Variants in SHISA9 observed in about 807,000 individuals in gnomAD.
SHISA9 encodes protein shisa-9.
In SHISA9, 13 loss-of-function variants were observed where a neutral mutation model predicts 38.0. The ratio of observed to expected loss-of-function variants is 0.34; its 90% CI spans 0.22 to 0.54. The LOEUF is 0.54. Among genes scored for constraint, SHISA9 ranks in the 20% least tolerant of loss-of-function variants. SHISA9 has a pLI of 0.91. For missense variants in SHISA9, 538 were observed against 575.8 expected, an observed-to-expected ratio of 0.93 and a Z score of 0.67; for synonymous variants, 275 against 242.0, an observed-to-expected ratio of 1.14 and a Z score of -1.27.
intron 2 of SHISA9, among the ~76,000 whole-genome samples, chr16:13,083,054 G>A (rs1357426227): frequency 6.6e-6 from 1 of 152,198 alleles, no homozygotes; most frequent in Non-Finnish European, 1.5e-5. Context: ...GCTTAGCTGG[G>A]AACTGATGTG....
chr16:13,560,377 A>T, the SHISA9 span, among the ~76,000 whole-genome samples: 1 of 152,178 alleles, frequency 6.6e-6, no homozygotes, highest in Non-Finnish European at 1.5e-5. Context: ...GCTGAGCAGG[A>T]TCACATGGTC....
chr16:13,405,141 T>G, the SHISA9 span, among the ~76,000 whole-genome samples: 9 of 152,186 alleles, frequency 5.9e-5, no homozygotes, highest in Non-Finnish European at 1.3e-4. Context: ...GTAGCAAAAG[T>G]AGACAAATCT....
chr16:13,402,668 C>T, the SHISA9 span, among the ~76,000 whole-genome samples: 4 of 152,104 alleles, frequency 2.6e-5, no homozygotes, highest in South Asian at 2.1e-4. Flanking sequence ...CAGGCCGCCA[C>T]GCCCGGCTAT....
intron 2 of SHISA9, among the ~76,000 whole-genome samples, chr16:12,988,043 A>G (rs1022383991): frequency 4.7e-4 from 71 of 152,214 alleles, no homozygotes; most frequent in African/African-American, 1.7e-3. Context: ...AGGAAAAAGA[A>G]TATGCAGGAC....
intron 4 of SHISA9, among the ~76,000 whole-genome samples, chr16:13,218,317 C>T (rs541873488): frequency 6.6e-6 from 1 of 152,222 alleles, no homozygotes; most frequent in South Asian, 2.1e-4. Flanking sequence ...TTTTAAAATG[C>T]ACCTCCTGGG....
At chr16:12,980,232 C>G (rs2141822145) in intron 2 of SHISA9, among the ~76,000 whole-genome samples, 1 of 152,280 alleles carries the variant, frequency 6.6e-6, no homozygotes, top group South Asian at 2.1e-4. Flanking sequence ...CACTGTATGT[C>G]TCTCCTCTTA....
the SHISA9 span, among the ~76,000 whole-genome samples, chr16:13,279,767 T>C: frequency 5.3e-5 from 8 of 151,892 alleles, no homozygotes; most frequent in Non-Finnish European, 8.8e-5. Flanking sequence ...CAGTATTTGG[T>C]CCATTTGTTT....
At chr16:13,042,190 G>A (rs1242439493) in intron 2 of SHISA9, among the ~76,000 whole-genome samples, 2 of 152,210 alleles carry the variant, frequency 1.3e-5, no homozygotes, top group Non-Finnish European at 2.9e-5. Context: ...CAAGGACACT[G>A]GGAATCTTGC....
the SHISA9 span, among the ~76,000 whole-genome samples, chr16:13,404,275 G>C: frequency 6.6e-6 from 1 of 152,278 alleles, no homozygotes; most frequent in East Asian, 1.9e-4. Context: ...TTACAGTCTA[G>C]TTGAGGAGTT....
chr16:13,003,632 T>C (rs1396548878), intron 2 of SHISA9, among the ~76,000 whole-genome samples: 1 of 152,012 alleles, frequency 6.6e-6, no homozygotes, highest in East Asian at 1.9e-4. Flanking sequence ...CCAGAGTGGG[T>C]GGATCACCTG....
At chr16:13,346,647 T>C in the SHISA9 span, among the ~76,000 whole-genome samples, 125 of 152,322 alleles carry the variant, frequency 8.2e-4, no homozygotes, top group African/African-American at 2.7e-3. Context: ...TTTGTATTTG[T>C]ATAATTTTTT....
chr16:13,427,239 T>G, the SHISA9 span, among the ~76,000 whole-genome samples: 1 of 152,180 alleles, frequency 6.6e-6, no homozygotes, highest in Non-Finnish European at 1.5e-5. Context: ...GAGAAAGAAA[T>G]AAAATATTTG....
chr16:13,187,412 G>T (rs985096510), intron 2 of SHISA9, among the ~76,000 whole-genome samples: 1 of 141,594 alleles, frequency 7.1e-6, no homozygotes, highest in African/African-American at 2.6e-5. Flanking sequence ...TCAGCTCACT[G>T]CAGCCTCCAC....
At chr16:13,425,439 A>G in the SHISA9 span, among the ~76,000 whole-genome samples, 7 of 151,606 alleles carry the variant, frequency 4.6e-5, no homozygotes, top group East Asian at 1.4e-3. Context: ...GTGAGCTGAG[A>G]TTGCACACCT....
the SHISA9 span, among the ~76,000 whole-genome samples, chr16:13,264,954 C>G: frequency 5.2e-4 from 77 of 149,058 alleles, no homozygotes; most frequent in African/African-American, 1.5e-3. Context: ...CTCGTCTTCT[C>G]TTCCCTTCCC....
chr16:13,464,541 A>G, the SHISA9 span, among the ~76,000 whole-genome samples: 1 of 152,186 alleles, frequency 6.6e-6, no homozygotes, highest in Non-Finnish European at 1.5e-5. Context: ...GTCTAAAGCT[A>G]AAGCCCCTTT....
At chr16:13,302,552 A>T in the SHISA9 span, among the ~76,000 whole-genome samples, 2 of 152,144 alleles carry the variant, frequency 1.3e-5, no homozygotes, top group Non-Finnish European at 2.9e-5. Flanking sequence ...CTCTCCATGA[A>T]CTAAACCCAG....
intron 2 of SHISA9, among the ~76,000 whole-genome samples, chr16:13,017,754 T>C (rs7197910): frequency 0.22 from 33,990 of 152,034 alleles, 4,065 homozygotes; most frequent in East Asian, 0.43. Context: ...TTCAAAGCAC[T>C]GGGGACAGAG....
At chr16:12,978,357 T>C (rs2072193891) in intron 2 of SHISA9, among the ~76,000 whole-genome samples, 2 of 152,222 alleles carry the variant, frequency 1.3e-5, no homozygotes, top group Non-Finnish European at 2.9e-5. Context: ...CCGATTTATA[T>C]AGAGAAGGAA....
Sources: gnomAD v4.1 joint callset for allele counts (sites outside exome capture counted in the v4.1 genomes callset) on GRCh38, gnomAD v4.1.1 for gene constraint, MANE v1.5 for transcripts, NCBI Gene and HGNC (gene_info 2026-07-23, HGNC 2026-07-21) for gene names.